IBTK: variants seen among roughly 807,000 people sequenced by gnomAD.
The protein encoded by IBTK is inhibitor of Bruton tyrosine kinase, also known as BTK-binding protein.
Under a neutral mutation model 154.9 loss-of-function variants are expected in IBTK, and 83 were observed. The ratio of observed to expected loss-of-function variants is 0.54; its 90% CI spans 0.45 to 0.64. IBTK has a LOEUF of 0.64. IBTK is among the 30% of genes least tolerant of loss of function. IBTK has a pLI of 0.00. For missense variants in IBTK, 1,332 were observed against 1,584.6 expected (o/e 0.84, Z 2.71); for synonymous variants, 515 against 536.1 (o/e 0.96, Z 0.54).
chr6:82,182,383 T>G (rs1418082889), intron 25 of IBTK, among the ~76,000 whole-genome samples: 1 of 151,926 alleles, frequency 6.6e-6, no homozygotes, highest in Non-Finnish European at 1.5e-5. Flanking sequence ...TCAAGAATTT[T>G]TAATATATTT....
intron 25 of IBTK, among the ~76,000 whole-genome samples, chr6:82,188,518 T>G (rs1016938199): frequency 5.3e-5 from 8 of 152,204 alleles, no homozygotes; most frequent in Non-Finnish European, 1.2e-4. Context: ...TTCTTATACT[T>G]GTTGCGTGGT....
At position 82,193,902 on chromosome 6, in the gene IBTK, G is replaced by A. The variant is rs147861170; in HGVS notation, c.3338+577C>T. On this transcript the variant is annotated intron_variant, in intron 23 of 28. Coordinates refer to ENST00000306270, the MANE Select transcript of IBTK (RefSeq NM_015525.4). ...TCACCATGTTGCCCAGGCTAGTGTCGAACTCCTGAGCTCAGGTAATCCACC... is the reference window on the plus strand; with the variant it reads ...TCACCATGTTGCCCAGGCTAGTGTCAAACTCCTGAGCTCAGGTAATCCACC... Among the ~76,000 whole-genome samples, 465 of 151,938 alleles carry A rather than the reference G, an allele frequency of 3.1e-3. 4 individuals are homozygous for A. The highest frequency in any genetic ancestry group is 0.01 in the African/African-American group (428 of 41,432).
In IBTK at chr6:82,181,951, T is replaced by C. The variant is rs758015771; in HGVS notation, c.3653A>G (p.His1218Arg). ...TTTTTTGACATGATCGCCTGAACTATGGCTAGTAACAGACTTTTTTTCTTC... is the reference window on the plus strand; with the variant it reads ...TTTTTTGACATGATCGCCTGAACTACGGCTAGTAACAGACTTTTTTTCTTC... ...LLEEKKSVTS[H>R]SSGDHVKKVS... Residue 1218 changes from histidine to arginine, a missense_variant, in exon 26 of 29, where the codon CAT (histidine) becomes CGT (arginine). Transcript: ENST00000306270. 3.1e-6 allele frequency: 5 copies of C among 1,603,910 alleles called. No homozygotes were observed. Among genetic ancestry groups the C allele is most frequent in the South Asian group, 1.1e-5 (1 of 88,120 alleles).
In IBTK at chr6:82,170,141, C is replaced by G. The variant is rs1375144710; in HGVS notation, c.*1284G>C. 6.6e-6 allele frequency: 1 copy of G among 152,286 alleles called. No individual in the cohort carries two copies. Among genetic ancestry groups the G allele is most frequent in the Non-Finnish European group, 1.5e-5 (1 of 68,034 alleles). 9.4% of individuals were successfully genotyped at this position (152,286 alleles called of 1,614,324 possible). A position where few individuals can be genotyped will look rare whatever the true frequency, so the allele number is the denominator to read the frequency against. ...AGAATAAATACAGCATCAACTTAAC[C>G]ATATACTGGCCACTAGTGTAGCACA... On this transcript the variant is annotated 3_prime_UTR_variant, in exon 29 of 29. Transcript: ENST00000306270.
At chr6:82,185,234 A>G (rs114307639) in intron 25 of IBTK, among the ~76,000 whole-genome samples, 2 of 151,308 alleles carry the variant, frequency 1.3e-5, no homozygotes, top group Non-Finnish European at 2.9e-5. Context: ...TCATGAATAC[A>G]TTCTATAAAT....
intron 25 of IBTK, among the ~76,000 whole-genome samples, chr6:82,187,399 T>C (rs1768593751): frequency 6.6e-6 from 1 of 152,158 alleles, no homozygotes; most frequent in Non-Finnish European, 1.5e-5. Flanking sequence ...GGAAAAATTT[T>C]TCCTATGTTT....
intron 17 of IBTK, among the ~76,000 whole-genome samples, chr6:82,203,490 G>A (rs1041370980): frequency 9.2e-5 from 14 of 152,078 alleles, no homozygotes; most frequent in Non-Finnish European, 1.5e-4. Context: ...AATGGTCTCT[G>A]TCTCACTCCT....
intron 3 of IBTK, 97 bp from the exon 4 acceptor site, chr6:82,231,939 C>G (rs9449451): frequency 0.23 from 140,701 of 621,792 alleles, 16,250 homozygotes; most frequent in African/African-American, 0.28. Context: ...ACGCTCTTCT[C>G]TGAATGAATA....
chr6:82,185,141 C>A (rs946328274), intron 25 of IBTK, among the ~76,000 whole-genome samples: 1 of 147,838 alleles, frequency 6.8e-6, no homozygotes, highest in East Asian at 2.0e-4. Flanking sequence ...CAAGATTGCG[C>A]CACGGCACTG....
At chr6:82,226,604 G>GTTTTTTTTTTTTT (rs201331625) in intron 5 of IBTK, among the ~76,000 whole-genome samples, 1 of 144,964 alleles carries the variant, frequency 6.9e-6, no homozygotes, top group Non-Finnish European at 1.5e-5. Flanking sequence ...CTTCTTTTTT[G>GTTTTTTTTTTTTT]TTTTTTTTTT....
chr6:82,191,244 G>T, intron 24 of IBTK, 28 bp from the exon 25 acceptor site: 2 of 1,568,746 alleles, frequency 1.3e-6, no homozygotes, highest in South Asian at 1.2e-5. Context: ...TAGTTTCAGT[G>T]GTTTCTTCTG....
At chr6:82,225,006 A>G (rs1019929158) in intron 6 of IBTK, among the ~76,000 whole-genome samples, 2 of 152,138 alleles carry the variant, frequency 1.3e-5, no homozygotes, top group African/African-American at 4.8e-5. Flanking sequence ...CCTGTTAAAA[A>G]TAAAGACAAC....
intron 21 of IBTK, among the ~76,000 whole-genome samples, chr6:82,197,158 A>C (rs1769018688): frequency 6.6e-6 from 1 of 152,178 alleles, no homozygotes; most frequent in Non-Finnish European, 1.5e-5. Context: ...ATTTATTAGA[A>C]TCTAAATGAA....
chr6:82,175,078 T>C, intron 26 of IBTK: 1 of 453,992 alleles, frequency 2.2e-6, no homozygotes, highest in Non-Finnish European at 4.4e-6. Context: ...GACTAGTCTC[T>C]TGGGGAACAG....
rs370262677 is a variant in IBTK, at chr6:82,181,942, C to G, written c.3662G>C (p.Gly1221Ala). 21 of 1,600,096 alleles carry G rather than the reference C, an allele frequency of 1.3e-5. No individual in the cohort carries two copies. The highest frequency in any genetic ancestry group is 1.7e-5 in the Non-Finnish European group (20 of 1,176,846). ...AAAAGAAACTTTTTTGACATGATCGCCTGAACTATGGCTAGTAACAGACTT... is the reference window on the plus strand; with the variant it reads ...AAAAGAAACTTTTTTGACATGATCGGCTGAACTATGGCTAGTAACAGACTT... ...EKKSVTSHSS[G>A]DHVKKVSFKG... The change falls in exon 26 of 29, where the codon GGC becomes GCC. Residue 1221 changes from glycine to alanine, a missense_variant. By Grantham distance (60) the Gly-to-Ala change is moderately conservative. Transcript: ENST00000306270.
intron 15 of IBTK, 75 bp from the exon 16 acceptor site, chr6:82,210,985 T>C (rs906526263): frequency 1.7e-5 from 14 of 816,072 alleles, no homozygotes; most frequent in Non-Finnish European, 2.5e-5. Flanking sequence ...ATTTGGGTTA[T>C]TGGTACAAAA....
chr6:82,175,471 C>T (rs559950743), intron 26 of IBTK, among the ~76,000 whole-genome samples: 53 of 152,242 alleles, frequency 3.5e-4, no homozygotes, highest in African/African-American at 1.2e-3. Context: ...GATGTTTCAA[C>T]GGATAATTTC....
chr6:82,216,122 G>A lies in IBTK; in HGVS notation c.1555C>T (p.Pro519Ser), dbSNP rs772980051. 8.7e-6 allele frequency: 14 copies of A among 1,612,590 alleles called. No homozygotes were observed. The highest frequency in any genetic ancestry group is 1.1e-5 in the Non-Finnish European group (13 of 1,179,634). Reference sequence around the variant, plus strand: ...AGGATTGCAAAGTTGCATCCACTTGGATCTGTGCTGACACTAACAGCTCTA... The same window carrying A: ...AGGATTGCAAAGTTGCATCCACTTGAATCTGTGCTGACACTAACAGCTCTA... The part of the protein sequence containing the change: ...AHRAVSVSTD[P>S]SGCNFAILQS... Residue 519 changes from proline (P) to serine (S), a missense_variant, in exon 11 of 29, where the codon CCA becomes TCA. Coordinates refer to ENST00000306270, the MANE Select transcript of IBTK (RefSeq NM_015525.4).
chr6:82,230,126 T>C (rs1408779168), intron 4 of IBTK, among the ~76,000 whole-genome samples: 1 of 152,204 alleles, frequency 6.6e-6, no homozygotes, highest in Non-Finnish European at 1.5e-5. Flanking sequence ...AAAGTAGCTC[T>C]AAAAACTGTC....
Sources: gnomAD v4.1 joint callset for allele counts (sites outside exome capture counted in the v4.1 genomes callset) on GRCh38, gnomAD v4.1.1 for gene constraint, MANE v1.5 for transcripts, NCBI Gene and HGNC (gene_info 2026-07-23, HGNC 2026-07-21) for gene names.